Variants in RASGEF1C observed in about 807,000 individuals in gnomAD.
The protein encoded by RASGEF1C is RasGEF domain family member 1C.
RASGEF1C carries 27 observed loss-of-function variants against 58.1 expected under a neutral mutation model. The observed-to-expected ratio is 0.46, with a 90% CI of 0.34 to 0.64. The LOEUF (loss-of-function observed/expected upper bound fraction) is 0.64, where lower values mean the gene tolerates loss of function less well. Among genes scored for constraint, RASGEF1C ranks in the 30% least tolerant of loss-of-function variants. RASGEF1C has a pLI of 0.01. For missense variants in RASGEF1C, 502 were observed against 605.1 expected, an observed-to-expected ratio of 0.83 and a Z score of 1.79; for synonymous variants, 243 against 246.3, an observed-to-expected ratio of 0.99 and a Z score of 0.13.
chr5:180,133,505 T>C (rs1475244404), intron 4 of RASGEF1C, among the ~76,000 whole-genome samples: 4 of 152,132 alleles, frequency 2.6e-5, no homozygotes, highest in Non-Finnish European at 5.9e-5. Context: ...ATTAAGTAAC[T>C]TGCCCAAAGA....
intron 12 of RASGEF1C, among the ~76,000 whole-genome samples, chr5:180,105,684 A>G (rs1393404135): frequency 1.3e-5 from 2 of 151,894 alleles, no homozygotes; most frequent in Non-Finnish European, 1.5e-5. Context: ...CCTGACCAAC[A>G]TGGTGAAACC....
intron 1 of RASGEF1C, among the ~76,000 whole-genome samples, chr5:180,181,017 G>A (rs367878340): frequency 1.1e-3 from 175 of 152,292 alleles, no homozygotes; most frequent in African/African-American, 3.9e-3. Context: ...CTGTTCACAC[G>A]AAACTCGAAA....
intron 6 of RASGEF1C, 107 bp from the exon 7 acceptor site, chr5:180,121,256 C>A: frequency 1.4e-6 from 1 of 739,172 alleles, no homozygotes; most frequent in East Asian, 2.6e-5. Flanking sequence ...ATGTTAAAAC[C>A]CCCAAACCAT....
At chr5:180,205,525 A>G (rs1435407574) in intron 1 of RASGEF1C, among the ~76,000 whole-genome samples, 2 of 152,146 alleles carry the variant, frequency 1.3e-5, no homozygotes, top group African/African-American at 4.8e-5. Flanking sequence ...CAAGCCTAAT[A>G]TAAACTTAAT....
At chr5:180,113,744 G>C (rs1582262149) in intron 11 of RASGEF1C, among the ~76,000 whole-genome samples, 1 of 146,944 alleles carries the variant, frequency 6.8e-6, no homozygotes, top group Admixed American at 6.7e-5. Flanking sequence ...CGGAGGGACC[G>C]GGGATGGACG....
At chr5:180,132,481 C>G (rs1356349299) in intron 4 of RASGEF1C, among the ~76,000 whole-genome samples, 1 of 152,228 alleles carries the variant, frequency 6.6e-6, no homozygotes, top group African/African-American at 2.4e-5. Flanking sequence ...CCTGAGCCAG[C>G]CTAGGGCTGA....
intron 8 of RASGEF1C, 76 bp downstream of exon 8, chr5:180,119,270 C>T (rs1198944970): frequency 1.6e-6 from 2 of 1,256,338 alleles, no homozygotes; most frequent in Non-Finnish European, 2.3e-6. Context: ...TTGCACTCTG[C>T]CTGCCTGGCT....
intron 11 of RASGEF1C, among the ~76,000 whole-genome samples, chr5:180,113,193 AG>A (rs1765993741): frequency 2.4e-5 from 1 of 41,332 alleles, no homozygotes; most frequent in Non-Finnish European, 5.0e-5. Context: ...GGAGGGATCC[AG>A]GATGGACAGA....
At chr5:180,114,575 G>A (rs372677930) in intron 10 of RASGEF1C, 34 bp from the exon 11 acceptor site, 277 of 1,585,236 alleles carry the variant, frequency 1.7e-4, no homozygotes, top group Non-Finnish European at 2.2e-4. Flanking sequence ...GGCCCCAGCC[G>A]GCCCTCCACA....
intron 1 of RASGEF1C, among the ~76,000 whole-genome samples, chr5:180,178,691 C>CCATCACCAGCTGCTGCTGGCTTT (rs1276982301): frequency 1.3e-5 from 2 of 152,154 alleles, no homozygotes; most frequent in Admixed American, 6.5e-5. Flanking sequence ...CTGAAGTGCA[C>CCATCACCAGCTGCTGCTGGCTTT]CATCACCAGC....
intron 12 of RASGEF1C, 78 bp downstream of exon 12, chr5:180,111,378 AG>A (rs1765956322): frequency 6.3e-7 from 1 of 1,591,984 alleles, no homozygotes; most frequent in Admixed American, 1.7e-5. Context: ...TACTCAGAGC[AG>A]GGGTCCTGAA....
intron 4 of RASGEF1C, among the ~76,000 whole-genome samples, chr5:180,132,537 A>T (rs1237275300): frequency 2.6e-5 from 4 of 152,222 alleles, no homozygotes; most frequent in Non-Finnish European, 5.9e-5. Flanking sequence ...CAGAAAGCCG[A>T]CGCAGGAGCT....
rs1311671537 is a variant in RASGEF1C at position 180,156,898 on chromosome 5, G to A, written c.-6-18840C>T. On this transcript the variant is annotated intron_variant, in intron 1 of 13. Transcript: ENST00000361132. The surrounding 1 kb of genome is among the most constrained non-coding windows in gnomAD (Gnocchi z 4.9). ...CACCTGACCAAAGAAGATATAAGAC[G>A]GAAAATAAGCATTTACAAAGGTGCT... is the stretch of plus-strand genomic sequence containing the variant. 2.6e-5 allele frequency among the ~76,000 whole-genome samples: 4 copies of A among 152,230 alleles called. No individual in the cohort carries two copies. The highest frequency in any genetic ancestry group is 6.8e-3 in the Middle Eastern group (2 of 294).
At position 180,101,522 on chromosome 5, in the gene RASGEF1C, A is replaced by T. The variant is rs1439499244; in HGVS notation, c.1380T>A (p.Ser460=). ...TEKERWKALR[S]SILGKT ...GCTTTCATGTCTTCCCCAAAATAGA[A>T]GATCTGCAGATTTAAGCATGTCGGG... Residue 460 remains serine (S), a synonymous_variant, in exon 14 of 14, where the codon TCT becomes TCA. Coordinates refer to ENST00000361132, the MANE Select transcript of RASGEF1C (RefSeq NM_175062.4). 6.2e-7 allele frequency: 1 copy of T among 1,612,208 alleles called. No homozygotes were observed. The highest frequency in any genetic ancestry group is 1.3e-5 in the African/African-American group (1 of 74,916).
rs1017832611 is a variant in RASGEF1C at position 180,197,909 on chromosome 5, G to A, written c.-7+11119C>T. On this transcript the variant is annotated intron_variant, in intron 1 of 13. Transcript: ENST00000361132. This position sits in a 1 kb window ranked among gnomAD's most constrained non-coding sequence, Gnocchi z 4.7. ...AGCTGATTCCAAGAGTCTGCACTGCGTCCCACGCTTAGCGACATCCAATGC... is the reference window on the plus strand; with the variant it reads ...AGCTGATTCCAAGAGTCTGCACTGCATCCCACGCTTAGCGACATCCAATGC... Among the ~76,000 whole-genome samples the A allele has an allele frequency of 2.6e-5, 4 of 152,202 alleles. No homozygotes were observed. Among genetic ancestry groups the A allele is most frequent in the South Asian group, 4.1e-4 (2 of 4,830 alleles).
At chr5:180,182,492 C>A (rs535622260) in intron 1 of RASGEF1C, among the ~76,000 whole-genome samples, 1 of 152,298 alleles carries the variant, frequency 6.6e-6, no homozygotes, top group African/African-American at 2.4e-5. Flanking sequence ...GCTGGGATGG[C>A]CAGCTTTTAT....
At chr5:180,107,810 T>TGTTGGTCAGGCTG (rs1217347310) in intron 12 of RASGEF1C, among the ~76,000 whole-genome samples, 3 of 152,240 alleles carry the variant, frequency 2.0e-5, no homozygotes, top group African/African-American at 7.2e-5. Flanking sequence ...GGTTTCGCCA[T>TGTTGGTCAGGCTG]GTTGGTCAGG....
intron 1 of RASGEF1C, among the ~76,000 whole-genome samples, chr5:180,153,402 G>A (rs1766796953): frequency 6.6e-6 from 1 of 152,192 alleles, no homozygotes; most frequent in Admixed American, 6.5e-5. Flanking sequence ...GTTAAGAGCT[G>A]GAATTGACCA....
At chr5:180,194,039 TG>T (rs1336590598) in intron 1 of RASGEF1C, among the ~76,000 whole-genome samples, 1 of 140,100 alleles carries the variant, frequency 7.1e-6, no homozygotes, top group Non-Finnish European at 1.5e-5. Flanking sequence ...ATGAAAAGGT[TG>T]AAAAAAAAAA....
Sources: gnomAD v4.1 joint callset for allele counts (sites outside exome capture counted in the v4.1 genomes callset) on GRCh38, gnomAD v4.1.1 for gene constraint, Gnocchi (gnomAD v3.1) non-coding constraint, MANE v1.5 for transcripts, NCBI Gene and HGNC (gene_info 2026-07-23, HGNC 2026-07-21) for gene names.